The following PRKAG2 variants were observed in gnomAD, a reference collection of about 807,000 sequenced individuals.
PRKAG2 encodes protein kinase AMP-activated non-catalytic subunit gamma 2.
A neutral mutation model predicts 69.6 loss-of-function variants in PRKAG2; 26 were observed. The observed-to-expected ratio is 0.37, with a 90% CI of 0.27 to 0.52. The LOEUF (loss-of-function observed/expected upper bound fraction) is 0.52, where lower values mean the gene tolerates loss of function less well. Ranked by LOEUF, PRKAG2 falls within the 20% of genes least tolerant of loss-of-function variation. The pLI, the probability that PRKAG2 is intolerant of heterozygous loss-of-function variation, is 0.90. For synonymous variants in PRKAG2, 293 were observed against 285.0 expected (o/e 1.03, Z -0.28); for missense variants, 557 against 740.0 (o/e 0.75, Z 2.87).
At chr7:151,762,430 C>T (rs963864818) in intron 3 of PRKAG2, among the ~76,000 whole-genome samples, 4 of 152,104 alleles carry the variant, frequency 2.6e-5, no homozygotes, top group African/African-American at 9.7e-5. Context: ...TAGGCAGGCA[C>T]AAGAAGCCTA....
At chr7:151,639,870 C>T (rs142746355) in intron 4 of PRKAG2, among the ~76,000 whole-genome samples, 35 of 152,288 alleles carry the variant, frequency 2.3e-4, no homozygotes, top group African/African-American at 8.4e-4. Context: ...AATAAATCCC[C>T]TCTCATCCAT....
intron 4 of PRKAG2, among the ~76,000 whole-genome samples, chr7:151,649,061 G>A (rs554935709): frequency 5.3e-5 from 8 of 152,288 alleles, no homozygotes; most frequent in African/African-American, 9.6e-5. Context: ...CCCTTCACCC[G>A]AAGAGCAAGT....
intron 3 of PRKAG2, among the ~76,000 whole-genome samples, chr7:151,742,416 G>A (rs939367645): frequency 2.0e-5 from 3 of 152,156 alleles, no homozygotes; most frequent in Non-Finnish European, 4.4e-5. Flanking sequence ...TCAAGGTCAA[G>A]AGATTGAGAC....
intron 1 of PRKAG2, among the ~76,000 whole-genome samples, chr7:151,795,452 G>A (rs1438462410): frequency 6.6e-6 from 1 of 152,196 alleles, no homozygotes; most frequent in African/African-American, 2.4e-5. Flanking sequence ...CCAGGGGGCA[G>A]GGGAGGGGAT....
chr7:151,806,215 T>C (rs4442045), intron 1 of PRKAG2, among the ~76,000 whole-genome samples: 126,320 of 152,268 alleles, frequency 0.83, 52,542 homozygotes, highest in African/African-American at 0.89. Context: ...ACAAACAGTT[T>C]GGGACAGAGA....
At chr7:151,672,983 C>T (rs538011218) in intron 4 of PRKAG2, among the ~76,000 whole-genome samples, 1 of 152,202 alleles carries the variant, frequency 6.6e-6, no homozygotes, top group East Asian at 1.9e-4. Context: ...CCAAGGGCTG[C>T]GTGGTTGTGT....
At chr7:151,560,484 C>A (rs780176280) in intron 15 of PRKAG2, 40 bp downstream of exon 15, 3 of 1,613,908 alleles carry the variant, frequency 1.9e-6, no homozygotes, top group Non-Finnish European at 2.5e-6. Context: ...TCCCACCCTT[C>A]CTAGACGCCG....
chr7:151,667,939 G>A (rs1396672346), intron 4 of PRKAG2, among the ~76,000 whole-genome samples: 2 of 152,250 alleles, frequency 1.3e-5, no homozygotes, highest in Non-Finnish European at 2.9e-5. Context: ...AAGTTTTGGG[G>A]AGGTTATTGC....
intron 3 of PRKAG2, among the ~76,000 whole-genome samples, chr7:151,775,274 GCCCT>G (rs1198385906): frequency 3.3e-5 from 5 of 150,336 alleles, no homozygotes; most frequent in Non-Finnish European, 6.0e-5. Context: ...CCCCCACCCC[GCCCT>G]GATTGATTCA....
chr7:151,602,592 T>C (rs559988822), intron 5 of PRKAG2, among the ~76,000 whole-genome samples: 1 of 152,304 alleles, frequency 6.6e-6, no homozygotes, highest in South Asian at 2.1e-4. Flanking sequence ...ATGTTCCAGA[T>C]TTACAAAAAA....
intron 4 of PRKAG2, among the ~76,000 whole-genome samples, chr7:151,671,502 C>T (rs1367404728): frequency 1.3e-5 from 2 of 152,162 alleles, no homozygotes; most frequent in South Asian, 2.1e-4. Context: ...CAAATTTCTA[C>T]GAACTTGAAA....
intron 4 of PRKAG2, among the ~76,000 whole-genome samples, chr7:151,668,314 T>C (rs1362235): frequency 0.85 from 129,910 of 152,220 alleles, 55,839 homozygotes; most frequent in African/African-American, 0.94. Context: ...CTTTCCAGCC[T>C]CCAGAATCAT....
At chr7:151,787,006 T>C (rs2077043107) in intron 1 of PRKAG2, among the ~76,000 whole-genome samples, 2 of 152,178 alleles carry the variant, frequency 1.3e-5, no homozygotes, top group African/African-American at 2.4e-5. Context: ...TAGCAGAGTC[T>C]AATGACATCG....
chr7:151,671,918 G>A (rs1278463595), intron 4 of PRKAG2, among the ~76,000 whole-genome samples: 1 of 152,192 alleles, frequency 6.6e-6, no homozygotes, highest in Non-Finnish European at 1.5e-5. Flanking sequence ...TGGGCCATCA[G>A]CCTGATTTTC....
chr7:151,839,461 A>G (rs1009096574), intron 1 of PRKAG2, among the ~76,000 whole-genome samples: 5 of 152,032 alleles, frequency 3.3e-5, no homozygotes, highest in African/African-American at 4.8e-5. Flanking sequence ...TGAGTCTGCT[A>G]TTTTTCATTG....
At chr7:151,870,111 TGATA>T (rs57003272) in intron 1 of PRKAG2, among the ~76,000 whole-genome samples, 115 of 120,398 alleles carry the variant, frequency 9.6e-4, no homozygotes, top group African/African-American at 2.8e-3. Flanking sequence ...AAGGTGCAGA[TGATA>T]GATAGATAGA....
At chr7:151,606,705 A>G (rs1046519890) in intron 5 of PRKAG2, among the ~76,000 whole-genome samples, 2 of 152,248 alleles carry the variant, frequency 1.3e-5, no homozygotes, top group Admixed American at 6.5e-5. Flanking sequence ...CTGTAATCCC[A>G]GCTACCTGGG....
intron 4 of PRKAG2, among the ~76,000 whole-genome samples, chr7:151,652,026 A>G (rs891289625): frequency 1.3e-5 from 2 of 152,262 alleles, no homozygotes; most frequent in African/African-American, 4.8e-5. Context: ...TGCTAAGTGT[A>G]GATTTTAAGT....
In PRKAG2 at chr7:151,669,594, AT is replaced by A. The variant is rs1352398051; in HGVS notation, c.684+5825del. On this transcript the variant is annotated intron_variant, in intron 4 of 15. Coordinates refer to ENST00000287878, the MANE Select transcript of PRKAG2 (RefSeq NM_016203.4). ...ATTTCTATGAATTATTTCACCTACT[AT>A]TATAGCACCAATTGCCACTTATATC... Among the ~76,000 whole-genome samples, 5 of 152,284 alleles carry A rather than the reference AT, an allele frequency of 3.3e-5. No homozygotes were observed. In the East Asian group the frequency reaches 5.8e-4, roughly 18 times the overall value.
Sources: allele counts gnomAD v4.1 joint callset (sites outside exome capture counted in the v4.1 genomes callset), GRCh38; gene constraint gnomAD v4.1.1; transcripts MANE v1.5; gene names NCBI Gene and HGNC (gene_info 2026-07-23, HGNC 2026-07-21).